SMPDL3A: variants seen among roughly 807,000 people sequenced by gnomAD.
SMPDL3A encodes sphingomyelin phosphodiesterase acid like 3A, also known as cyclic GMP-AMP phosphodiesterase SMPDL3A.
A neutral mutation model predicts 38.5 loss-of-function variants in SMPDL3A; 39 were observed. The observed-to-expected ratio is 1.01, with a 90% CI of 0.78 to 1.32. The LOEUF (loss-of-function observed/expected upper bound fraction) is 1.32. Ranked by LOEUF, SMPDL3A falls within the 40% of genes most tolerant of loss-of-function variation. The pLI is 0.00. For missense variants in SMPDL3A, 502 were observed against 536.2 expected, an observed-to-expected ratio of 0.94 and a Z score of 0.63; for synonymous variants, 180 against 194.3, an observed-to-expected ratio of 0.93 and a Z score of 0.61.
chr6:122,807,101 A>G (rs1254376602), intron 7 of SMPDL3A, among the ~76,000 whole-genome samples: 1 of 148,612 alleles, frequency 6.7e-6, no homozygotes, highest in Non-Finnish European at 1.5e-5. Context: ...GGGTCTCCCT[A>G]TGTTGCCCAG....
Position 122,809,243 on chromosome 6 carries a change from C to T in SMPDL3A, c.1197C>T (p.Asp399=). The part of the protein sequence containing the change: ...YGLAKQFTIL[D]SKQFIKYYNY... ...TAGCTAAACAATTTACAATCCTAGA[C>T]AGTAAGCAGTTTATAAAATACTACA... Residue 399 remains aspartate (D), a synonymous_variant, in exon 8 of 8, where the codon GAC becomes GAT. Transcript: ENST00000368440. The T allele has an allele frequency of 1.9e-6, 3 of 1,614,160 alleles. No individual in the cohort carries two copies. Among genetic ancestry groups the T allele is most frequent in the South Asian group, 2.2e-5 (2 of 91,086 alleles).
intron 7 of SMPDL3A, among the ~76,000 whole-genome samples, chr6:122,807,236 C>T (rs186240059): frequency 1.0e-3 from 152 of 152,262 alleles, no homozygotes; most frequent in Non-Finnish European, 3.2e-4. Flanking sequence ...TGGTAGCTCA[C>T]GCCTGTAATC....
At chr6:122,792,638 CT>C (rs368762743) in intron 1 of SMPDL3A, among the ~76,000 whole-genome samples, 313 of 140,714 alleles carry the variant, frequency 2.2e-3, no homozygotes, top group East Asian at 2.9e-3. Flanking sequence ...TCTTCTTCCC[CT>C]TTTTTTTTTT....
Position 122,789,392 on chromosome 6 carries a change from C to T in SMPDL3A, c.46C>T (p.His16Tyr), listed in dbSNP as rs12523814. Residue 16 changes from histidine (H) to tyrosine (Y), a missense_variant, in exon 1 of 8, where the codon CAC (histidine) becomes TAC (tyrosine). Coordinates refer to ENST00000368440, the MANE Select transcript of SMPDL3A (RefSeq NM_006714.5). ...ALVCCLLTAW[H>Y]CRSGLGLPVA... is the part of the protein sequence containing the mutation. ...CGTCTGCTGCCTGCTGACTGCCTGGCACTGCCGCTCCGGCCTCGGGCTGCC... is the reference window on the plus strand; with the variant it reads ...CGTCTGCTGCCTGCTGACTGCCTGGTACTGCCGCTCCGGCCTCGGGCTGCC... 21,294 of 1,549,238 alleles carry T rather than the reference C, an allele frequency of 0.014. 1,573 individuals are homozygous for T. In the Admixed American group the frequency reaches 0.21, roughly 15 times the overall value.
intron 3 of SMPDL3A, among the ~76,000 whole-genome samples, chr6:122,798,161 G>A (rs1008753499): frequency 5.3e-5 from 8 of 152,118 alleles, no homozygotes; most frequent in Non-Finnish European, 1.2e-4. Context: ...TAATTTTGAT[G>A]AGTTGTATTC....
At chr6:122,793,121 A>T (rs1456362286) in intron 1 of SMPDL3A, among the ~76,000 whole-genome samples, 7 of 152,216 alleles carry the variant, frequency 4.6e-5, no homozygotes, top group African/African-American at 1.7e-4. Flanking sequence ...GAGCTCATAC[A>T]TGTGAAGCAT....
chr6:122,809,454 G>A lies in SMPDL3A; in HGVS notation c.*46G>A, dbSNP rs1382243943. On this transcript the variant is annotated 3_prime_UTR_variant, in exon 8 of 8. Transcript: ENST00000368440. ...TAGAAAATGCTGATTCTGATTCTGA[G>A]ATCAATTTGTGGGAATTTTACATAA... 4 of 1,383,928 alleles carry A rather than the reference G, an allele frequency of 2.9e-6. No homozygotes were observed. The Admixed American group carries it at 8.0e-5, about 28-fold the overall frequency. The allele number at this position is 1,383,928 out of a possible 1,614,324, so 85.7% of individuals were successfully genotyped here. A position where few individuals can be genotyped will look rare whatever the true frequency, so the allele number is the denominator to read the frequency against.
rs1221929883 is a variant in SMPDL3A, at chr6:122,808,651, C to CT, written c.1045-439dup. Among the ~76,000 whole-genome samples, 347 of 88,632 alleles carry CT rather than the reference C, an allele frequency of 3.9e-3. 2 individuals carry two copies. The highest frequency in any genetic ancestry group is 9.1e-3 in the South Asian group (17 of 1,864). 58.1% of individuals were successfully genotyped at this position (88,632 alleles called of 152,430 possible). A position where few individuals can be genotyped will look rare whatever the true frequency, so the allele number is the denominator to read the frequency against. On this transcript the variant is annotated intron_variant, in intron 7 of 7. Coordinates refer to ENST00000368440, the MANE Select transcript of SMPDL3A (RefSeq NM_006714.5). ...CCTTCCTTCCTTCCTTCCCCCCCTCCTCCCCCCTCCCTCCCTCTCCTTCTT... is the reference window on the plus strand; with the variant it reads ...CCTTCCTTCCTTCCTTCCCCCCCTCCTTCCCCCCTCCCTCCCTCTCCTTCTT...
rs572019455 is a variant in SMPDL3A, at chr6:122,802,355, C to A, written c.568+949C>A. 2.8e-4 allele frequency among the ~76,000 whole-genome samples: 43 copies of A among 152,206 alleles called. No homozygotes were observed. In the South Asian group the frequency reaches 7.1e-3, roughly 25 times the overall value. ...TAGCTGGGATTACAGGCACCTGCCACCACACCTGGCTAATTTTTGTATTTT... is the reference window on the plus strand; with the variant it reads ...TAGCTGGGATTACAGGCACCTGCCAACACACCTGGCTAATTTTTGTATTTT... On this transcript the variant is annotated intron_variant, in intron 4 of 7. Coordinates refer to ENST00000368440, the MANE Select transcript of SMPDL3A (RefSeq NM_006714.5).
At chr6:122,804,262 C>G (rs1019764151) in intron 5 of SMPDL3A, among the ~76,000 whole-genome samples, 2 of 151,520 alleles carry the variant, frequency 1.3e-5, no homozygotes, top group African/African-American at 2.4e-5. Flanking sequence ...GCTGGGATTA[C>G]AGGTGTGAGC....
At chr6:122,789,763 C>A (rs967022838) in intron 1 of SMPDL3A, 1 of 882,256 alleles carries the variant, frequency 1.1e-6, no homozygotes, top group African/African-American at 1.8e-5. Context: ...CATCCTGCAT[C>A]TCAGTTGTTT....
At chr6:122,793,102 C>T (rs1160983261) in intron 1 of SMPDL3A, among the ~76,000 whole-genome samples, 1 of 152,044 alleles carries the variant, frequency 6.6e-6, no homozygotes, top group Non-Finnish European at 1.5e-5. Flanking sequence ...ATGGAGTATA[C>T]ATAATAATGA....
In SMPDL3A at chr6:122,809,094, A is replaced by G. The variant is rs1415580467; in HGVS notation, c.1048A>G (p.Met350Val). Reference sequence around the variant, plus strand: ...TTGTTACTGTTCTTAACTGCAGGATATGTTGCAGTATTACTTGAATCTGAC... The same window carrying G: ...TTGTTACTGTTCTTAACTGCAGGATGTGTTGCAGTATTACTTGAATCTGAC... The part of the protein sequence containing the change: ...YDPRDYKLLD[M>V]LQYYLNLTEA... Residue 350 changes from methionine (M) to valine (V), a missense_variant, in exon 8 of 8, where the codon ATG becomes GTG. Met to Val is a conservative substitution (Grantham distance 21). Coordinates refer to ENST00000368440, the MANE Select transcript of SMPDL3A (RefSeq NM_006714.5). 31 of 1,612,868 alleles carry G rather than the reference A, an allele frequency of 1.9e-5. No homozygotes were observed. The Admixed American group carries it at 5.0e-4, about 26-fold the overall frequency.
intron 1 of SMPDL3A, among the ~76,000 whole-genome samples, chr6:122,793,844 A>G (rs555103921): frequency 1.3e-5 from 2 of 152,334 alleles, no homozygotes; most frequent in South Asian, 2.1e-4. Context: ...CAGTTGTAAC[A>G]TATTGGTAGA....
chr6:122,808,600 TC>T (rs1562357609), intron 7 of SMPDL3A, among the ~76,000 whole-genome samples: 3 of 49,342 alleles, frequency 6.1e-5, no homozygotes, highest in Non-Finnish European at 8.6e-5. Context: ...CCTTCCTCCC[TC>T]CCTCCCTCCC....
Position 122,789,417 on chromosome 6 carries a change from C to G in SMPDL3A, c.71C>G (p.Pro24Arg), listed in dbSNP as rs370395509. The change falls in exon 1 of 8, where the codon CCC (proline) becomes CGC (arginine). Residue 24 changes from proline to arginine, a missense_variant. By Grantham distance (103) the Pro-to-Arg change is moderately radical. Coordinates refer to ENST00000368440, the MANE Select transcript of SMPDL3A (RefSeq NM_006714.5). Reference sequence around the variant, plus strand: ...CACTGCCGCTCCGGCCTCGGGCTGCCCGTGGCGCCCGCAGGCGGCAGGAAT... The same window carrying G: ...CACTGCCGCTCCGGCCTCGGGCTGCGCGTGGCGCCCGCAGGCGGCAGGAAT... ...AWHCRSGLGL[P>R]VAPAGGRNPP... 7 of 1,549,432 alleles carry G rather than the reference C, an allele frequency of 4.5e-6. No individual in the cohort carries two copies. Among genetic ancestry groups the G allele is most frequent in the African/African-American group, 1.4e-5 (1 of 73,118 alleles).
chr6:122,793,998 T>C (rs1306898893), intron 1 of SMPDL3A, among the ~76,000 whole-genome samples: 1 of 152,026 alleles, frequency 6.6e-6, no homozygotes, highest in African/African-American at 2.4e-5. Context: ...TTAAAACAAT[T>C]TGAACATGGT....
chr6:122,795,935 C>A, intron 2 of SMPDL3A, 45 bp downstream of exon 2: 1 of 1,374,686 alleles, frequency 7.3e-7, no homozygotes, highest in Non-Finnish European at 1.0e-6. Flanking sequence ...TATTTATTTA[C>A]AGTGTCCTAA....
chr6:122,793,252 C>A (rs1781135818), intron 1 of SMPDL3A, among the ~76,000 whole-genome samples: 1 of 152,170 alleles, frequency 6.6e-6, no homozygotes, highest in Admixed American at 6.5e-5. Flanking sequence ...CATACACCTT[C>A]TAAGGGCTTT....
Sources: allele counts gnomAD v4.1 joint callset (sites outside exome capture counted in the v4.1 genomes callset), GRCh38; gene constraint gnomAD v4.1.1; transcripts MANE v1.5; gene names NCBI Gene and HGNC (gene_info 2026-07-23, HGNC 2026-07-21).